Variants in SAMD8 observed in about 807,000 individuals in gnomAD.
SAMD8 encodes the protein sterile alpha motif domain containing 8, also known as sphingomyelin synthase-related protein 1.
In SAMD8, 20 loss-of-function variants were observed where a neutral mutation model predicts 42.0. That is an observed-to-expected ratio of 0.48 (90% CI 0.34 to 0.69). SAMD8 has a LOEUF of 0.69. SAMD8 is among the 30% of genes least tolerant of loss of function. The pLI, the probability that SAMD8 is intolerant of heterozygous loss-of-function variation, is 0.01. For missense variants in SAMD8, 328 were observed against 511.6 expected (o/e 0.64, Z 3.46); for synonymous variants, 162 against 173.0 (o/e 0.94, Z 0.50).
chr10:75,162,437 G>T (rs550251131), intron 2 of SAMD8, among the ~76,000 whole-genome samples: 2 of 152,120 alleles, frequency 1.3e-5, no homozygotes, highest in South Asian at 2.1e-4. Flanking sequence ...ATGACCTGAG[G>T]TCAGGATTTC....
In SAMD8 at chr10:75,181,826, CAT is replaced by C. The variant is rs1156598370; in HGVS notation, c.*5135_*5136del. ...TATTAGAAAAATGAAGTATTTCTGA[CAT>C]GGAACAAAGAAAGTGGAAACTGGTA... On this transcript the variant is annotated 3_prime_UTR_variant, in exon 6 of 6. Coordinates refer to ENST00000542569, the MANE Select transcript of SAMD8 (RefSeq NM_001174156.2). 6.6e-6 allele frequency: 1 copy of C among 152,182 alleles called. No homozygotes were observed. Among genetic ancestry groups the C allele is most frequent in the East Asian group, 1.9e-4 (1 of 5,204 alleles). 9.4% of individuals were successfully genotyped at this position (152,182 alleles called of 1,614,324 possible).
chr10:75,162,863 AAAG>A (rs1228162955), intron 2 of SAMD8, among the ~76,000 whole-genome samples: 1 of 152,196 alleles, frequency 6.6e-6, no homozygotes, highest in African/African-American at 2.4e-5. Flanking sequence ...AAACTAAAAA[AAAG>A]AAGAATTTAT....
At chr10:75,170,719 C>G (rs974212576) in intron 4 of SAMD8, among the ~76,000 whole-genome samples, 3 of 150,618 alleles carry the variant, frequency 2.0e-5, no homozygotes, top group African/African-American at 4.9e-5. Flanking sequence ...GTGTGTATAG[C>G]CACACAGACC....
upstream of SAMD8, among the ~76,000 whole-genome samples, chr10:75,107,103 AG>A (rs1848564141): frequency 6.6e-6 from 1 of 152,194 alleles, no homozygotes; most frequent in African/African-American, 2.4e-5. Flanking sequence ...TGGGAGGCCG[AG>A]GCAGACAGAT....
chr10:75,116,321 G>T (rs1436692825), intron 1 of SAMD8, among the ~76,000 whole-genome samples: 2 of 152,144 alleles, frequency 1.3e-5, no homozygotes. Context: ...GACCAGGCTG[G>T]TTTAGAGCTC....
At chr10:75,171,431 T>C (rs1468322894) in intron 4 of SAMD8, among the ~76,000 whole-genome samples, 3 of 152,124 alleles carry the variant, frequency 2.0e-5, no homozygotes, top group African/African-American at 4.8e-5. Context: ...CCTCCCAAAG[T>C]GCTGAGATTA....
intron 4 of SAMD8, among the ~76,000 whole-genome samples, chr10:75,170,158 A>T (rs138210836): frequency 6.6e-6 from 1 of 152,226 alleles, no homozygotes; most frequent in Non-Finnish European, 1.5e-5. Context: ...TAAAATCTGT[A>T]TACAAATTTG....
At chr10:75,155,032 C>T (rs1357421039) in intron 2 of SAMD8, among the ~76,000 whole-genome samples, 2 of 152,106 alleles carry the variant, frequency 1.3e-5, no homozygotes, top group African/African-American at 2.4e-5. Context: ...ACTACGACTG[C>T]AGGTGTGTGT....
intron 4 of SAMD8, among the ~76,000 whole-genome samples, chr10:75,173,712 C>A (rs1304871875): frequency 6.6e-6 from 1 of 152,164 alleles, no homozygotes; most frequent in Non-Finnish European, 1.5e-5. Flanking sequence ...TTCTTCCTTT[C>A]TTTCCCTCAA....
At chr10:75,099,683 C>T in exon 1 of SAMD8, 1 of 542,374 alleles carries the variant, frequency 1.8e-6, no homozygotes. Flanking sequence ...GATTGAAGAC[C>T]GTTGGTTCCA....
intron 1 of SAMD8, among the ~76,000 whole-genome samples, chr10:75,133,966 A>G (rs572403688): frequency 3.9e-5 from 6 of 152,320 alleles, no homozygotes; most frequent in South Asian, 2.1e-4. Context: ...TATCCAGTCT[A>G]TCATTGATGG....
chr10:75,163,319 G>A (rs1391275112), intron 2 of SAMD8, among the ~76,000 whole-genome samples: 1 of 152,178 alleles, frequency 6.6e-6, no homozygotes, highest in African/African-American at 2.4e-5. Context: ...AAGAATAAAA[G>A]AAACGTCAAT....
chr10:75,101,747 G>A (rs757186427), intron 1 of SAMD8: 43 of 604,038 alleles, frequency 7.1e-5, no homozygotes, highest in Admixed American at 1.9e-4. Flanking sequence ...TGACCCAGTC[G>A]GTTCTCTACC....
At chr10:75,170,886 G>A (rs948121362) in intron 4 of SAMD8, among the ~76,000 whole-genome samples, 5 of 147,142 alleles carry the variant, frequency 3.4e-5, no homozygotes, top group African/African-American at 1.0e-4. Context: ...CCATTCTCCT[G>A]CCTCAGCCTC....
At chr10:75,164,049 T>C (rs1343564970) in intron 2 of SAMD8, among the ~76,000 whole-genome samples, 2 of 151,976 alleles carry the variant, frequency 1.3e-5, no homozygotes, top group Non-Finnish European at 2.9e-5. Flanking sequence ...TGAGACCCCA[T>C]ACAAAAAATA....
chr10:75,162,354 GT>G (rs1840576416), intron 2 of SAMD8, among the ~76,000 whole-genome samples: 1 of 150,496 alleles, frequency 6.6e-6, no homozygotes, highest in Admixed American at 6.6e-5. Context: ...GCGAGACTGT[GT>G]TTCAAAAAAG....
intron 1 of SAMD8, among the ~76,000 whole-genome samples, chr10:75,120,451 A>G (rs1185131001): frequency 6.6e-6 from 1 of 151,622 alleles, no homozygotes; most frequent in Non-Finnish European, 1.5e-5. Context: ...TTGTATTTTT[A>G]GTAGAGATGG....
chr10:75,104,040 G>A (rs1180076649), intron 1 of SAMD8: 1 of 1,363,468 alleles, frequency 7.3e-7, no homozygotes, highest in South Asian at 1.1e-5. Context: ...AGCACCAGCA[G>A]GATCAGTGCC....
intron 1 of SAMD8, chr10:75,101,818 T>A (rs1395090201): frequency 2.0e-6 from 2 of 1,013,928 alleles, no homozygotes; most frequent in African/African-American, 1.7e-5. Flanking sequence ...TTACCCAGCA[T>A]GCTCAGGGAC....
Sources: gnomAD v4.1 joint callset for allele counts (sites outside exome capture counted in the v4.1 genomes callset) on GRCh38, gnomAD v4.1.1 for gene constraint, MANE v1.5 for transcripts, NCBI Gene and HGNC (gene_info 2026-07-23, HGNC 2026-07-21) for gene names.